The following GLRA2 variants were observed in gnomAD, a reference collection of about 807,000 sequenced individuals.
The protein encoded by GLRA2 is glycine receptor subunit alpha-2.
In GLRA2, 11 loss-of-function variants were observed where a neutral mutation model predicts 31.6. The observed-to-expected ratio is 0.35, with a 90% CI of 0.22 to 0.58. The LOEUF is 0.58. Among genes scored for constraint, GLRA2 ranks in the 20% least tolerant of loss-of-function variants. GLRA2 has a pLI of 0.84. For missense variants in GLRA2, 212 were observed against 351.8 expected (o/e 0.60, Z 3.18); for synonymous variants, 132 against 134.0 (o/e 0.99, Z 0.10).
chrX:14,722,243 C>G (rs146109794), intron 8 of GLRA2, among the ~76,000 whole-genome samples: 1,310 of 111,682 alleles, frequency 0.012, 24 homozygotes, highest in African/African-American at 0.041. Context: ...TGCAGTCAGA[C>G]AGTAACTGGG....
intron 4 of GLRA2, among the ~76,000 whole-genome samples, chrX:14,601,598 C>G (rs1035061689): frequency 1.7e-4 from 19 of 111,570 alleles, no homozygotes; most frequent in African/African-American, 6.2e-4. Context: ...TGCTTATTTC[C>G]AAGATTTAAA....
chrX:14,528,741 G>C, upstream of GLRA2, among the ~76,000 whole-genome samples: 1 of 111,836 alleles, frequency 8.9e-6, no homozygotes, highest in Middle Eastern at 4.6e-3. Flanking sequence ...TAAACTCCCA[G>C]TTGCACTTTT....
the GLRA2 span, among the ~76,000 whole-genome samples, chrX:14,449,244 A>G: frequency 1.8e-5 from 2 of 112,344 alleles, no homozygotes; most frequent in Non-Finnish European, 1.9e-5. Context: ...CAGAGCTGCC[A>G]AGTGCCAGGA....
chrX:14,599,794 T>G (rs367682164), intron 4 of GLRA2, among the ~76,000 whole-genome samples: 2 of 111,395 alleles, frequency 1.8e-5, no homozygotes, highest in African/African-American at 6.5e-5. Context: ...TAATGTACAC[T>G]TCAGTAGAAA....
At chrX:14,669,056 C>A (rs1287188673) in intron 7 of GLRA2, among the ~76,000 whole-genome samples, 2 of 112,255 alleles carry the variant, frequency 1.8e-5, no homozygotes, top group Admixed American at 9.4e-5. Context: ...AGGCATTGGG[C>A]AAATACAGCC....
intron 4 of GLRA2, among the ~76,000 whole-genome samples, chrX:14,589,670 C>CAA (rs199543625): frequency 0.23 from 20,304 of 90,151 alleles, 2,481 homozygotes; most frequent in Non-Finnish European, 0.33. Flanking sequence ...GACTCTATCT[C>CAA]AAAAAAATAT....
chrX:14,524,742 TTG>T (rs113079569), upstream of GLRA2, among the ~76,000 whole-genome samples: 836 of 104,783 alleles, frequency 8.0e-3, 13 homozygotes, highest in South Asian at 0.098. Flanking sequence ...TTCAACATAT[TTG>T]TGTGTGTGTG....
intron 7 of GLRA2, among the ~76,000 whole-genome samples, chrX:14,639,048 G>T (rs16979643): frequency 0.012 from 1,309 of 111,328 alleles, 15 homozygotes; most frequent in African/African-American, 0.039. Context: ...TGAATCCTTT[G>T]TTGCTGGTAA....
chrX:14,720,266 T>C lies in GLRA2; in HGVS notation c.1081-9941T>C, dbSNP rs190856303. Among the ~76,000 whole-genome samples the C allele has an allele frequency of 4.5e-5, 5 of 112,111 alleles. No homozygotes were observed. In the East Asian group the frequency reaches 1.4e-3, roughly 31 times the overall value. ...AACTTGATTTGATCATTACACATTGTACACGTGTATTGAAATACCACCCTT... is the reference window on the plus strand; with the variant it reads ...AACTTGATTTGATCATTACACATTGCACACGTGTATTGAAATACCACCCTT... On this transcript the variant is annotated intron_variant, in intron 8 of 8. Coordinates refer to ENST00000218075, the MANE Select transcript of GLRA2 (RefSeq NM_002063.4).
intron 7 of GLRA2, among the ~76,000 whole-genome samples, chrX:14,629,042 A>T (rs1174639450): frequency 1.8e-5 from 2 of 111,510 alleles, no homozygotes; most frequent in Non-Finnish European, 3.8e-5. Flanking sequence ...TTCAAGATAA[A>T]TATTGAAGGT....
intron 7 of GLRA2, among the ~76,000 whole-genome samples, chrX:14,612,010 A>G (rs2090403496): frequency 8.9e-6 from 1 of 111,969 alleles, no homozygotes; most frequent in East Asian, 2.8e-4. Flanking sequence ...AATGTACAGA[A>G]GAATCTCATA....
chrX:14,682,011 G>GTA (rs1334385365), intron 7 of GLRA2, among the ~76,000 whole-genome samples: 6 of 97,888 alleles, frequency 6.1e-5, no homozygotes, highest in Non-Finnish European at 8.1e-5. Context: ...GTGTGTGTGT[G>GTA]TATATATATA....
chrX:14,699,075 C>T (rs1370617376), intron 8 of GLRA2, among the ~76,000 whole-genome samples: 3 of 112,101 alleles, frequency 2.7e-5, no homozygotes, highest in East Asian at 2.8e-4. Flanking sequence ...GAAACAATCA[C>T]GCCCAGATCT....
chrX:14,574,394 G>A lies in GLRA2; in HGVS notation c.264G>A (p.Thr88=), dbSNP rs2147058104. The A allele has an allele frequency of 2.5e-6, 3 of 1,189,116 alleles. No homozygotes were observed. Among genetic ancestry groups the A allele is most frequent in the Non-Finnish European group, 3.4e-6 (3 of 874,589 alleles). Residue 88 remains threonine (T), a synonymous_variant, in exon 3 of 9, where the codon ACG becomes ACA. Transcript: ENST00000218075. ...ACAGTTTTGGATCAGTCACAGAAAC[G>A]ACCATGGTAAGTGCTGCAATGCCAC... The part of the protein sequence containing the change: ...FINSFGSVTE[T]TMDYRVNIFL...
At chrX:14,466,403 C>T in the GLRA2 span, among the ~76,000 whole-genome samples, 1 of 111,344 alleles carries the variant, frequency 9.0e-6, no homozygotes, top group African/African-American at 3.3e-5. Context: ...AACAGTAAAC[C>T]TAATAAAACT....
chrX:14,541,102 G>T (rs755312812), intron 2 of GLRA2, among the ~76,000 whole-genome samples: 53 of 112,084 alleles, frequency 4.7e-4, no homozygotes, highest in African/African-American at 1.6e-3. Flanking sequence ...TGTCCCTACA[G>T]TAATTCCCTC....
chrX:14,717,522 C>A (rs971781681), intron 8 of GLRA2, among the ~76,000 whole-genome samples: 14 of 103,447 alleles, frequency 1.4e-4, no homozygotes, highest in African/African-American at 5.5e-4. Flanking sequence ...CATTCACAAT[C>A]TTTACCTGTG....
chrX:14,727,784 C>T (rs1022386902), intron 8 of GLRA2, among the ~76,000 whole-genome samples: 6 of 111,722 alleles, frequency 5.4e-5, no homozygotes, highest in Admixed American at 9.5e-5. Flanking sequence ...GGAAGTACTC[C>T]GATGTTAGGC....
At chrX:14,587,479 T>C (rs2090093113) in intron 4 of GLRA2, among the ~76,000 whole-genome samples, 1 of 112,228 alleles carries the variant, frequency 8.9e-6, no homozygotes, top group Non-Finnish European at 1.9e-5. Context: ...ATAATAGCCA[T>C]TCTGACTGGT....
Sources: gnomAD v4.1 joint callset for allele counts (sites outside exome capture counted in the v4.1 genomes callset) on GRCh38, gnomAD v4.1.1 for gene constraint, MANE v1.5 for transcripts, NCBI Gene and HGNC (gene_info 2026-07-23, HGNC 2026-07-21) for gene names.